Variants in ZYX observed in about 807,000 individuals in gnomAD.
ZYX encodes zyxin.
In ZYX, 37 loss-of-function variants were observed where a neutral mutation model predicts 58.1. The ratio of observed to expected loss-of-function variants is 0.64; its 90% CI spans 0.49 to 0.84. The LOEUF (loss-of-function observed/expected upper bound fraction) is 0.84. Among genes scored for constraint, ZYX ranks in the 40% least tolerant of loss-of-function variants. The pLI is 0.00. For missense variants in ZYX, 762 were observed against 761.6 expected (o/e 1.00, Z -0.01); for synonymous variants, 324 against 321.1 (o/e 1.01, Z -0.10).
chr7:143,381,915 T>C (rs1225463251), intron 2 of ZYX, 136 bp downstream of exon 2: 2 of 906,220 alleles, frequency 2.2e-6, no homozygotes, highest in South Asian at 3.7e-5. Flanking sequence ...GCAGATGTTC[T>C]TACCTCATCG....
At position 143,381,638 on chromosome 7, in the gene ZYX, CAGA is replaced by C. The variant is rs1380204762; in HGVS notation, c.73_75del (p.Lys25del). The C allele has an allele frequency of 1.1e-5, 18 of 1,612,408 alleles. No individual in the cohort carries two copies. The East Asian group carries it at 1.6e-4, about 14-fold the overall frequency. ...CTCGGCTCCGGCTTTTTACGCCCCGCAGAAGAAGTTCGGCCCTGTGGTGGCCCC... is the reference window on the plus strand; with the variant it reads ...CTCGGCTCCGGCTTTTTACGCCCCGCAGAAGTTCGGCCCTGTGGTGGCCCC... On this transcript the variant is annotated inframe_deletion, in exon 2 of 10. Transcript: ENST00000322764.
chr7:143,388,704 G>A lies in ZYX; in HGVS notation c.1314+46G>A, dbSNP rs368356918. On this transcript the variant is annotated intron_variant, in intron 7 of 9. Transcript: ENST00000322764. The surrounding 1 kb of genome is among the most constrained non-coding windows in gnomAD (Gnocchi z 7.5). Reference sequence around the variant, plus strand: ...CTGTGCTGGGCTGTGCTGGGCAGTCGGGCCCTGGAAGCTTGCTGTGGGGTG... The same window carrying A: ...CTGTGCTGGGCTGTGCTGGGCAGTCAGGCCCTGGAAGCTTGCTGTGGGGTG... 18 of 1,607,108 alleles carry A rather than the reference G, an allele frequency of 1.1e-5. No individual in the cohort carries two copies. Among genetic ancestry groups the A allele is most frequent in the Non-Finnish European group, 1.4e-5 (16 of 1,176,580 alleles).
intron 5 of ZYX, among the ~76,000 whole-genome samples, chr7:143,383,572 G>A (rs144793629): frequency 0.013 from 1,941 of 152,292 alleles, 42 homozygotes; most frequent in African/African-American, 0.045. Flanking sequence ...AGAGAGCATG[G>A]GCTCTGAATT....
Position 143,390,543 on chromosome 7 carries a change from C to T in ZYX, c.1615-35C>T. ...TAGGGTGGAGCAGAGCAGGGGCCTTCCGGTCCAGTGCCCCTCACCCTTCCT... is the reference window on the plus strand; with the variant it reads ...TAGGGTGGAGCAGAGCAGGGGCCTTTCGGTCCAGTGCCCCTCACCCTTCCT... On this transcript the variant is annotated intron_variant, in intron 9 of 9. Transcript: ENST00000322764. This position sits in a 1 kb window ranked among gnomAD's most constrained non-coding sequence, Gnocchi z 4.3. 1 of 1,484,454 alleles carries T rather than the reference C, an allele frequency of 6.7e-7. No homozygotes were observed. The highest frequency in any genetic ancestry group is 9.2e-7 in the Non-Finnish European group (1 of 1,086,656). The allele number at this position is 1,484,454 out of a possible 1,614,324, so 92.0% of individuals were successfully genotyped here. A position where few individuals can be genotyped will look rare whatever the true frequency, so the allele number is the denominator to read the frequency against.
Position 143,388,603 on chromosome 7 carries a change from A to G in ZYX, c.1259A>G (p.Gln420Arg). The G allele has an allele frequency of 3.7e-6, 6 of 1,613,172 alleles. No individual in the cohort carries two copies. Among genetic ancestry groups the G allele is most frequent in the Non-Finnish European group, 5.1e-6 (6 of 1,179,954 alleles). The change falls in exon 7 of 10, where the codon CAG becomes CGG. Residue 420 changes from glutamine to arginine, a missense_variant. Coordinates refer to ENST00000322764, the MANE Select transcript of ZYX (RefSeq NM_003461.5). The surrounding 1 kb of genome is among the most constrained non-coding windows in gnomAD (Gnocchi z 7.5). ...TGCCACCAGTGTGCGCAGCAGCTCC[A>G]GGGCCAGCAGTTCTACAGTCTGGAG... is the stretch of plus-strand genomic sequence containing the variant. ...FTCHQCAQQL[Q>R]GQQFYSLEGA...
rs373019061 is a variant in ZYX at position 143,391,053 on chromosome 7, C to G, written c.*371C>G. On this transcript the variant is annotated 3_prime_UTR_variant, in exon 10 of 10. Transcript: ENST00000322764. ...GACCCTCCAGGACATTCCCACCCTC[C>G]CCCATGCTGCCAAGTTGTAGCTATA... 3.2e-6 allele frequency: 1 copy of G among 310,592 alleles called. No individual in the cohort carries two copies. Among genetic ancestry groups the G allele is most frequent in the Non-Finnish European group, 6.0e-6 (1 of 165,690 alleles). The allele number at this position is 310,592 out of a possible 1,614,324, so 19.2% of individuals were successfully genotyped here. A position where few individuals can be genotyped will look rare whatever the true frequency, so the allele number is the denominator to read the frequency against.
chr7:143,382,056 C>T lies in ZYX; in HGVS notation c.209-192C>T, dbSNP rs1017023372. On this transcript the variant is annotated intron_variant, in intron 2 of 9. Transcript: ENST00000322764. ...TTCCGAAGTGTAACGGGAGCTGCAC[C>T]ACTCCTCGGCAGTGCGCCCGGCCTT... The T allele has an allele frequency of 3.4e-5, 21 of 609,090 alleles. No individual in the cohort carries two copies. The African/African-American group carries it at 3.7e-4, about 11-fold the overall frequency. The allele number at this position is 609,090 out of a possible 1,614,324, so 37.7% of individuals were successfully genotyped here.
intron 5 of ZYX, among the ~76,000 whole-genome samples, chr7:143,386,974 C>T (rs1804886791): frequency 6.6e-6 from 1 of 152,038 alleles, no homozygotes; most frequent in Non-Finnish European, 1.5e-5. Flanking sequence ...TTCTGTGCTT[C>T]TGAAGGAGGA....
At chr7:143,385,119 C>T (rs1804807790) in intron 5 of ZYX, among the ~76,000 whole-genome samples, 2 of 152,062 alleles carry the variant, frequency 1.3e-5, no homozygotes, top group South Asian at 2.1e-4. Flanking sequence ...CTGAGCTCCT[C>T]AGTGGGGTAT....
rs760613736 is a variant in ZYX, at chr7:143,387,814, G to A, written c.1024-405G>A. 2.7e-5 allele frequency: 13 copies of A among 475,912 alleles called. No homozygotes were observed. Among genetic ancestry groups the A allele is most frequent in the Middle Eastern group, 3.3e-4 (1 of 3,010 alleles). The allele number at this position is 475,912 out of a possible 1,614,324, so 29.5% of individuals were successfully genotyped here. ...TAGGTGTGTGTGCGCGTGTGTGCAC[G>A]CCATTGCGTGCCCCTGTCCCATGGG... On this transcript the variant is annotated intron_variant, in intron 5 of 9. Transcript: ENST00000322764. The surrounding 1 kb of genome is among the most constrained non-coding windows in gnomAD (Gnocchi z 5.8).
Position 143,381,346 on chromosome 7 carries a change from C to T in ZYX, c.-79C>T. The T allele has an allele frequency of 8.7e-7, 1 of 1,148,960 alleles. No homozygotes were observed. Among genetic ancestry groups the T allele is most frequent in the Non-Finnish European group, 1.1e-6 (1 of 931,872 alleles). The allele number at this position is 1,148,960 out of a possible 1,614,324, so 71.2% of individuals were successfully genotyped here. ...CTGGAGGCTGCTCCGGACCGGGACG[C>T]AGAGTCTGCGGACCCGGCGCCGAGG... On this transcript the variant is annotated 5_prime_UTR_variant, in exon 1 of 10. Transcript: ENST00000322764.
At chr7:143,383,743 C>T (rs1804754277) in intron 5 of ZYX, among the ~76,000 whole-genome samples, 1 of 152,232 alleles carries the variant, frequency 6.6e-6, no homozygotes, top group Non-Finnish European at 1.5e-5. Flanking sequence ...AGGTAAGAGA[C>T]AGCCCCAGTA....
At position 143,389,785 on chromosome 7, in the gene ZYX, C is replaced by A; in HGVS notation, c.1494-72C>A. The A allele has an allele frequency of 6.3e-7, 1 of 1,584,280 alleles. No individual in the cohort carries two copies. Among genetic ancestry groups the A allele is most frequent in the Non-Finnish European group, 8.6e-7 (1 of 1,166,668 alleles). On this transcript the variant is annotated intron_variant, in intron 8 of 9. Coordinates refer to ENST00000322764, the MANE Select transcript of ZYX (RefSeq NM_003461.5). This position sits in a 1 kb window ranked among gnomAD's most constrained non-coding sequence, Gnocchi z 5.6. ...AGAAGTCTGCTTCCTTGCTGCCCAA[C>A]CTGGCTTATGCGTGCGCACACCGGG...
rs752564433 is a variant in ZYX at position 143,381,436 on chromosome 7, C to T, written c.-16+27C>T. ...TGAGGCGCGGGGAGCGGCAGGGCGG[C>T]CCCACGGGGAGGGGGCGCGGGGCGC... On this transcript the variant is annotated intron_variant, in intron 1 of 9. Coordinates refer to ENST00000322764, the MANE Select transcript of ZYX (RefSeq NM_003461.5). 1,797 of 1,276,382 alleles carry T rather than the reference C, an allele frequency of 1.4e-3. 27 individuals carry two copies. The African/African-American group carries it at 0.024, about 17-fold the overall frequency. 79.1% of individuals were successfully genotyped at this position (1,276,382 alleles called of 1,614,324 possible). A position where few individuals can be genotyped will look rare whatever the true frequency, so the allele number is the denominator to read the frequency against.
In ZYX at chr7:143,388,436, C is replaced by G; in HGVS notation, c.1145-53C>G. On this transcript the variant is annotated intron_variant, in intron 6 of 9. Transcript: ENST00000322764. The surrounding 1 kb of genome is among the most constrained non-coding windows in gnomAD (Gnocchi z 7.5). ...TCCCTATCTGAGCTGGCTGATCCCTCGCAGCTCTACATACTTCCTTCTATT... is the reference window on the plus strand; with the variant it reads ...TCCCTATCTGAGCTGGCTGATCCCTGGCAGCTCTACATACTTCCTTCTATT... 1.9e-6 allele frequency: 3 copies of G among 1,603,874 alleles called. No homozygotes were observed. The South Asian group carries it at 3.3e-5, about 18-fold the overall frequency.
rs762531188 is a variant in ZYX, at chr7:143,388,365, C to A, written c.1144+26C>A. ...GTGAGCCCACCCCACCGGGACACCCCCACCCTGCCCCCACATCACGGTGGG... is the reference window on the plus strand; with the variant it reads ...GTGAGCCCACCCCACCGGGACACCCACACCCTGCCCCCACATCACGGTGGG... On this transcript the variant is annotated intron_variant, in intron 6 of 9. Coordinates refer to ENST00000322764, the MANE Select transcript of ZYX (RefSeq NM_003461.5). This position sits in a 1 kb window ranked among gnomAD's most constrained non-coding sequence, Gnocchi z 7.5. 2.3e-5 allele frequency: 37 copies of A among 1,612,824 alleles called. No homozygotes were observed. In the African/African-American group the frequency reaches 4.5e-4, roughly 20 times the overall value.
Position 143,384,024 on chromosome 7 carries a change from C to G in ZYX, c.1023+702C>G, listed in dbSNP as rs62472687. On this transcript the variant is annotated intron_variant, in intron 5 of 9. Coordinates refer to ENST00000322764, the MANE Select transcript of ZYX (RefSeq NM_003461.5). The surrounding 1 kb of genome is among the most constrained non-coding windows in gnomAD (Gnocchi z 4.9). ...GCTAATACCTAGAGAGTGTTGGGTT[C>G]TGTATCTAGTACAGGAATGCTCAAA... The G allele has an allele frequency of 0.16, 57,423 of 369,192 alleles. 5,660 individuals are homozygous for G. Among genetic ancestry groups the G allele is most frequent in the Admixed American group, 0.29 (8,821 of 29,952 alleles). The allele number at this position is 369,192 out of a possible 1,614,324, so 22.9% of individuals were successfully genotyped here. A position where few individuals can be genotyped will look rare whatever the true frequency, so the allele number is the denominator to read the frequency against.
Position 143,381,878 on chromosome 7 carries a change from G to T in ZYX, c.208+99G>T. The T allele has an allele frequency of 4.1e-6, 5 of 1,219,704 alleles. No individual in the cohort carries two copies. In the South Asian group the frequency reaches 7.9e-5, roughly 19 times the overall value. The allele number at this position is 1,219,704 out of a possible 1,614,324, so 75.6% of individuals were successfully genotyped here. On this transcript the variant is annotated intron_variant, in intron 2 of 9. Transcript: ENST00000322764. ...ATGTCTGGAAAGGTTGTTGCCGAGG[G>T]GGCTGGGCGCAGCCACCCTGTCCCG... is the stretch of plus-strand genomic sequence containing the variant.
intron 3 of ZYX, 54 bp from the exon 4 acceptor site, chr7:143,382,539 T>G: frequency 1.2e-6 from 2 of 1,602,236 alleles, no homozygotes; most frequent in Non-Finnish European, 1.7e-6. Flanking sequence ...ACCTCTGCCT[T>G]GGGGGTGGGG....
Sources: gnomAD v4.1 joint callset for allele counts (sites outside exome capture counted in the v4.1 genomes callset) on GRCh38, gnomAD v4.1.1 for gene constraint, Gnocchi (gnomAD v3.1) non-coding constraint, MANE v1.5 for transcripts, NCBI Gene and HGNC (gene_info 2026-07-23, HGNC 2026-07-21) for gene names.